The following XIRP2 variants were observed in gnomAD, a reference collection of about 807,000 sequenced individuals.
XIRP2 encodes the protein xin actin-binding repeat-containing protein 2.
A neutral mutation model predicts 277.0 loss-of-function variants in XIRP2; 236 were observed. The observed-to-expected ratio is 0.85, with a 90% confidence interval of 0.77 to 0.95. XIRP2 has a LOEUF of 0.95. XIRP2 is among the 40% of genes least tolerant of loss of function. The pLI, the probability that XIRP2 is intolerant of heterozygous loss-of-function variation, is 0.00. For missense variants in XIRP2, 4,640 were observed against 4,157.5 expected (o/e 1.12, Z -3.19); for synonymous variants, 1,490 against 1,416.5 (o/e 1.05, Z -1.17).
rs920592681 is a variant in XIRP2, at chr2:167,184,481, G to A, written c.563-26254G>A. The A allele has an allele frequency of 2.8e-5, 19 of 679,400 alleles. No individual in the cohort carries two copies. The African/African-American group carries it at 3.3e-4, about 12-fold the overall frequency. 42.1% of individuals were successfully genotyped at this position (679,400 alleles called of 1,614,324 possible). On this transcript the variant is annotated intron_variant, in intron 3 of 10. Coordinates refer to ENST00000409195, the MANE Select transcript of XIRP2 (RefSeq NM_152381.6). ...GAATTTGAGATCCCTCGCTTCTTCA[G>A]TTTTGTTGCTCCAGTCCCATGGAAT...
chr2:167,097,755 TC>T (rs1274674704), intron 2 of XIRP2, among the ~76,000 whole-genome samples: 2 of 152,200 alleles, frequency 1.3e-5, no homozygotes, highest in Non-Finnish European at 2.9e-5. Flanking sequence ...TATGACAAAA[TC>T]CCTCAGTATT....
chr2:166,904,786 T>C (rs1022088374), intron 2 of XIRP2, among the ~76,000 whole-genome samples: 41 of 152,220 alleles, frequency 2.7e-4, no homozygotes, highest in African/African-American at 9.4e-4. Flanking sequence ...GTTTGATTGT[T>C]TTTTTGTTTT....
At chr2:167,082,907 G>A (rs916599207) in intron 2 of XIRP2, among the ~76,000 whole-genome samples, 9 of 152,170 alleles carry the variant, frequency 5.9e-5, no homozygotes, top group African/African-American at 2.2e-4. Context: ...TGTTCACTCT[G>A]ATGGTAGTTT....
chr2:167,035,411 T>C (rs912308565), intron 2 of XIRP2, among the ~76,000 whole-genome samples: 1 of 152,156 alleles, frequency 6.6e-6, no homozygotes, highest in Admixed American at 6.5e-5. Context: ...AAAGAACTTG[T>C]TGGGAACTGG....
At chr2:167,190,198 G>A (rs559226185) in intron 3 of XIRP2, among the ~76,000 whole-genome samples, 9 of 152,270 alleles carry the variant, frequency 5.9e-5, no homozygotes, top group Non-Finnish European at 1.2e-4. Context: ...TCCTTTAGGA[G>A]TTGTTATGGC....
At chr2:167,056,959 C>T (rs1259552472) in intron 2 of XIRP2, among the ~76,000 whole-genome samples, 1 of 152,104 alleles carries the variant, frequency 6.6e-6, no homozygotes, top group African/African-American at 2.4e-5. Flanking sequence ...ACATTGAAAA[C>T]TTGTTTACTC....
At chr2:166,984,578 T>C (rs1176498928) in intron 2 of XIRP2, among the ~76,000 whole-genome samples, 1 of 152,122 alleles carries the variant, frequency 6.6e-6, no homozygotes, top group African/African-American at 2.4e-5. Context: ...ATTTAAGATA[T>C]CATCTTAAGG....
At chr2:167,071,243 C>T (rs1449098927) in intron 2 of XIRP2, among the ~76,000 whole-genome samples, 1 of 152,126 alleles carries the variant, frequency 6.6e-6, no homozygotes, top group Non-Finnish European at 1.5e-5. Context: ...GTTGGTTAAA[C>T]AGAATATAAA....
At chr2:167,215,822 T>G (rs186642892) in intron 4 of XIRP2, among the ~76,000 whole-genome samples, 22 of 152,298 alleles carry the variant, frequency 1.4e-4, no homozygotes, top group African/African-American at 4.8e-4. Context: ...TGGAATGTGC[T>G]GAATCATCAA....
chr2:167,237,672 C>A (rs750050833), intron 5 of XIRP2, among the ~76,000 whole-genome samples: 1 of 152,150 alleles, frequency 6.6e-6, no homozygotes, highest in Non-Finnish European at 1.5e-5. Flanking sequence ...CAGGCCTCAG[C>A]GGGCATGTAG....
chr2:166,909,652 T>C (rs1300913777), intron 2 of XIRP2, among the ~76,000 whole-genome samples: 3 of 152,224 alleles, frequency 2.0e-5, no homozygotes, highest in Non-Finnish European at 4.4e-5. Context: ...TCCAACACTA[T>C]GTTGAATAGG....
intron 2 of XIRP2, among the ~76,000 whole-genome samples, chr2:166,966,683 AT>A (rs1486396855): frequency 1.2e-4 from 18 of 151,988 alleles, no homozygotes; most frequent in Admixed American, 1.2e-3. Context: ...GCTCCATCTA[AT>A]TCTATTGCTA....
Position 167,246,418 on chromosome 2 carries a change from G to A in XIRP2, c.5026G>A (p.Gly1676Ser), listed in dbSNP as rs769250450. ...LFSEERSVKK[G>S]ILIQEDEKGD... ...CTCTGAGGAAAGATCTGTAAAGAAA[G>A]GCATCTTAATTCAGGAAGATGAAAA... Residue 1676 changes from glycine (G) to serine (S), a missense_variant, in exon 9 of 11, where the codon GGC becomes AGC. Physicochemically the swap from Gly to Ser is moderately conservative, Grantham distance 56. Transcript: ENST00000409195. 4 of 1,613,658 alleles carry A rather than the reference G, an allele frequency of 2.5e-6. No individual in the cohort carries two copies. The East Asian group carries it at 8.9e-5, about 36-fold the overall frequency.
At chr2:167,082,104 A>AC (rs1689754532) in intron 2 of XIRP2, among the ~76,000 whole-genome samples, 1 of 88,762 alleles carries the variant, frequency 1.1e-5, no homozygotes, top group African/African-American at 4.3e-5. Flanking sequence ...CCCTCCCTCT[A>AC]CCCACCACAG....
chr2:167,225,643 A>G (rs934164091), intron 5 of XIRP2, among the ~76,000 whole-genome samples: 3 of 152,148 alleles, frequency 2.0e-5, no homozygotes, highest in Non-Finnish European at 4.4e-5. Context: ...AGGCTGAGTG[A>G]TCATAGCAGG....
chr2:166,950,745 T>G (rs1363856113), intron 2 of XIRP2, among the ~76,000 whole-genome samples: 1 of 152,046 alleles, frequency 6.6e-6, no homozygotes, highest in Non-Finnish European at 1.5e-5. Context: ...TCTAAGGCAT[T>G]TTTTTGAGCA....
chr2:167,156,078 C>A (rs1028889848), intron 3 of XIRP2, among the ~76,000 whole-genome samples: 1 of 151,218 alleles, frequency 6.6e-6, no homozygotes, highest in Non-Finnish European at 1.5e-5. Context: ...CTACAAACCA[C>A]TGCTCAATGA....
chr2:167,006,999 TA>T, intron 2 of XIRP2, among the ~76,000 whole-genome samples: 1 of 151,784 alleles, frequency 6.6e-6, no homozygotes, highest in Non-Finnish European at 1.5e-5. Context: ...AACCCTCAGA[TA>T]TACCATACTA....
At chr2:167,193,685 C>T (rs1693414442) in intron 3 of XIRP2, among the ~76,000 whole-genome samples, 1 of 152,006 alleles carries the variant, frequency 6.6e-6, no homozygotes, top group Non-Finnish European at 1.5e-5. Context: ...CAACACCAGC[C>T]TAGCTAACAT....
Sources: allele counts gnomAD v4.1 joint callset (sites outside exome capture counted in the v4.1 genomes callset), GRCh38; gene constraint gnomAD v4.1.1; transcripts MANE v1.5; gene names NCBI Gene and HGNC (gene_info 2026-07-23, HGNC 2026-07-21).